Variants in LRRC37A2 observed in about 807,000 individuals in gnomAD.
The protein encoded by LRRC37A2 is leucine-rich repeat-containing protein 37A2.
A neutral mutation model predicts 68.8 loss-of-function variants in LRRC37A2; 9 were observed. The observed-to-expected ratio is 0.13, with a 90% confidence interval of 0.08 to 0.23. LRRC37A2 has a LOEUF of 0.23. Among genes scored for constraint, LRRC37A2 ranks in the 10% least tolerant of loss-of-function variants. The probability of loss-of-function intolerance (pLI) is 1.00; values close to 1 mark genes in which losing one functional copy is unlikely to be tolerated. For synonymous variants in LRRC37A2, 63 were observed against 367.6 expected (o/e 0.17, Z 9.48); for missense variants, 168 against 950.4 (o/e 0.18, Z 10.82).
the LRRC37A2 span, among the ~76,000 whole-genome samples, chr17:46,983,206 C>T: frequency 6.6e-6 from 1 of 151,848 alleles, no homozygotes; most frequent in Non-Finnish European, 1.5e-5. Context: ...TCTCCCAGAA[C>T]CATCCACGTC....
the LRRC37A2 span, among the ~76,000 whole-genome samples, chr17:46,900,186 T>TAC: frequency 1.9e-3 from 229 of 122,662 alleles, 1 homozygote; most frequent in African/African-American, 8.6e-3. Context: ...TATATATATA[T>TAC]ATATATATAT....
chr17:46,772,302 G>A, the LRRC37A2 span, among the ~76,000 whole-genome samples: 1 of 152,270 alleles, frequency 6.6e-6, no homozygotes, highest in Non-Finnish European at 1.5e-5. Flanking sequence ...AGGGACCGGG[G>A]CGTGTGCCAG....
the LRRC37A2 span, among the ~76,000 whole-genome samples, chr17:46,722,889 A>C: frequency 6.6e-6 from 1 of 152,334 alleles, no homozygotes; most frequent in East Asian, 1.9e-4. Flanking sequence ...TCGGTGTGTT[A>C]ATAGAGCTTG....
chr17:46,950,898 C>T, the LRRC37A2 span, among the ~76,000 whole-genome samples: 7 of 152,154 alleles, frequency 4.6e-5, no homozygotes, highest in Non-Finnish European at 1.0e-4. Flanking sequence ...CAAGGGTGAC[C>T]CAGTCGGTGA....
At chr17:46,779,098 C>T in the LRRC37A2 span, among the ~76,000 whole-genome samples, 1 of 147,028 alleles carries the variant, frequency 6.8e-6, no homozygotes, top group African/African-American at 2.6e-5. Flanking sequence ...CACACACACA[C>T]ACACACCCCA....
At chr17:46,788,518 T>C in the LRRC37A2 span, among the ~76,000 whole-genome samples, 1 of 152,212 alleles carries the variant, frequency 6.6e-6, no homozygotes, top group African/African-American at 2.4e-5. Context: ...CTTCTATTCA[T>C]CCCTCAAGGT....
At chr17:46,933,735 G>A in the LRRC37A2 span, 1 of 151,290 alleles carries the variant, frequency 6.6e-6, no homozygotes, top group Admixed American at 6.6e-5. Flanking sequence ...CACTTTGGGA[G>A]ACCAAGGCAG....
chr17:46,774,005 A>G, the LRRC37A2 span: 1 of 1,511,580 alleles, frequency 6.6e-7, no homozygotes. Context: ...GGGTAGGTGG[A>G]GAGGCAGAGG....
the LRRC37A2 span, among the ~76,000 whole-genome samples, chr17:46,585,272 C>T: frequency 2.7e-5 from 4 of 146,142 alleles, no homozygotes; most frequent in East Asian, 7.8e-4. Flanking sequence ...GAGCTGAGAT[C>T]GTTCCACTGC....
At chr17:46,934,935 G>C in the LRRC37A2 span, 88 of 1,121,136 alleles carry the variant, frequency 7.8e-5, 1 homozygote, top group East Asian at 2.1e-3. Flanking sequence ...CCCTCCGGCT[G>C]TTCTGGCTTG....
At chr17:46,969,315 C>G in the LRRC37A2 span, among the ~76,000 whole-genome samples, 15 of 152,224 alleles carry the variant, frequency 9.9e-5, no homozygotes, top group African/African-American at 3.6e-4. Flanking sequence ...CCCTGGGGGG[C>G]CACTGAGAGC....
chr17:46,771,892 C>CCCCCGCCCT, the LRRC37A2 span, among the ~76,000 whole-genome samples: 1 of 144,174 alleles, frequency 6.9e-6, no homozygotes, highest in East Asian at 2.1e-4. Flanking sequence ...GCCCCCGCCC[C>CCCCCGCCCT]TGCCCCCGCC....
the LRRC37A2 span, among the ~76,000 whole-genome samples, chr17:46,390,412 A>G: frequency 8.8e-6 from 1 of 113,220 alleles, no homozygotes; most frequent in African/African-American, 2.9e-5. Flanking sequence ...TTTGACAGCC[A>G]GGCACGGTGG....
chr17:46,813,549 A>G, the LRRC37A2 span, among the ~76,000 whole-genome samples: 2 of 151,866 alleles, frequency 1.3e-5, no homozygotes, highest in East Asian at 1.9e-4. Context: ...CCTCCTTGGC[A>G]GCTGGAGAAG....
chr17:46,597,777 G>T, the LRRC37A2 span, among the ~76,000 whole-genome samples: 1 of 118,116 alleles, frequency 8.5e-6, no homozygotes, highest in Admixed American at 8.5e-5. Flanking sequence ...TTTTGTTGTT[G>T]TTGCAATACT....
the LRRC37A2 span, among the ~76,000 whole-genome samples, chr17:46,987,296 G>C: frequency 6.6e-6 from 1 of 152,048 alleles, no homozygotes; most frequent in Non-Finnish European, 1.5e-5. Flanking sequence ...CAGGCATGGG[G>C]AGGCGGTGAG....
chr17:46,606,127 C>T, the LRRC37A2 span, among the ~76,000 whole-genome samples: 3 of 47,506 alleles, frequency 6.3e-5, no homozygotes, highest in African/African-American at 2.4e-4. Flanking sequence ...TGCAGTGAGC[C>T]GAAATCACGC....
the LRRC37A2 span, among the ~76,000 whole-genome samples, chr17:46,741,298 A>G: frequency 6.6e-6 from 1 of 152,310 alleles, no homozygotes; most frequent in East Asian, 1.9e-4. Flanking sequence ...TGTCTTTTTC[A>G]CAAATTGGAA....
chr17:46,798,038 C>G, the LRRC37A2 span, among the ~76,000 whole-genome samples: 1 of 152,170 alleles, frequency 6.6e-6, no homozygotes, highest in Non-Finnish European at 1.5e-5. Flanking sequence ...AAGCGATTCT[C>G]CTGCCTCAGC....
Sources: allele counts gnomAD v4.1 joint callset (sites outside exome capture counted in the v4.1 genomes callset), GRCh38; gene constraint gnomAD v4.1.1; transcripts MANE v1.5; gene names NCBI Gene and HGNC (gene_info 2026-07-23, HGNC 2026-07-21).